Variants in CA8 observed in about 807,000 individuals in gnomAD.
The protein encoded by CA8 is carbonic anhydrase-related protein.
In CA8, 22 loss-of-function variants were observed where a neutral mutation model predicts 41.4. That is an observed-to-expected ratio of 0.53 (90% CI 0.38 to 0.76). The LOEUF is 0.76. Ranked by LOEUF, CA8 falls within the 30% of genes least tolerant of loss-of-function variation. The probability of loss-of-function intolerance (pLI) is 0.00; values close to 1 mark genes in which losing one functional copy is unlikely to be tolerated. For synonymous variants in CA8, 121 were observed against 130.6 expected, an observed-to-expected ratio of 0.93 and a Z score of 0.50; for missense variants, 270 against 352.8, an observed-to-expected ratio of 0.77 and a Z score of 1.88.
intron 2 of CA8, among the ~76,000 whole-genome samples, chr8:60,275,413 G>C (rs994806035): frequency 5.9e-5 from 9 of 151,600 alleles, no homozygotes; most frequent in African/African-American, 1.9e-4. Context: ...ATATAGAAAA[G>C]AATGAAGAAA....
intron 5 of CA8, among the ~76,000 whole-genome samples, chr8:60,226,485 G>A (rs1462603879): frequency 6.6e-6 from 1 of 152,210 alleles, no homozygotes; most frequent in African/African-American, 2.4e-5. Context: ...GTGAGTAGCT[G>A]AGGTCAGCTA....
At chr8:60,272,054 G>A (rs115577220) in intron 2 of CA8, among the ~76,000 whole-genome samples, 2,733 of 152,214 alleles carry the variant, frequency 0.018, 67 homozygotes, top group African/African-American at 0.061. Context: ...TCCATGTTAG[G>A]AGGGAGGGAC....
intron 7 of CA8, among the ~76,000 whole-genome samples, chr8:60,209,796 T>C (rs1349695908): frequency 6.6e-6 from 1 of 152,176 alleles, no homozygotes; most frequent in Non-Finnish European, 1.5e-5. Flanking sequence ...CATTTCCCTT[T>C]ATTAGGTGGG....
At chr8:60,224,666 A>C (rs923629568) in intron 5 of CA8, 81 bp from the exon 6 acceptor site, 2 of 895,594 alleles carry the variant, frequency 2.2e-6, no homozygotes, top group African/African-American at 3.4e-5. Flanking sequence ...GAACTAAAAA[A>C]TTAGAATGAA....
intron 3 of CA8, among the ~76,000 whole-genome samples, chr8:60,255,145 C>T (rs1036292060): frequency 5.9e-5 from 9 of 152,134 alleles, no homozygotes; most frequent in African/African-American, 1.9e-4. Flanking sequence ...CCTCTCTGCT[C>T]CTTCAACCAA....
Position 60,222,636 on chromosome 8 carries a change from G to A in CA8, c.738+13C>T. 1.4e-6 allele frequency: 2 copies of A among 1,455,428 alleles called. No individual in the cohort carries two copies. The highest frequency in any genetic ancestry group is 9.7e-7 in the Non-Finnish European group (1 of 1,035,114). 90.2% of individuals were successfully genotyped at this position (1,455,428 alleles called of 1,614,324 possible). A position where few individuals can be genotyped will look rare whatever the true frequency, so the allele number is the denominator to read the frequency against. On this transcript the variant is annotated intron_variant, in intron 7 of 8. Transcript: ENST00000317995. Reference sequence around the variant, plus strand: ...AGAACTTCACTCTGAAAGATTCAAAGTAGCACACTCACCTGTAGCTGGGAT... The same window carrying A: ...AGAACTTCACTCTGAAAGATTCAAAATAGCACACTCACCTGTAGCTGGGAT...
rs1451068812 is a variant in CA8, at chr8:60,186,034, T to C, written c.*3987A>G. Among the ~76,000 whole-genome samples the C allele has an allele frequency of 6.6e-6, 1 of 152,064 alleles. No individual in the cohort carries two copies. Among genetic ancestry groups the C allele is most frequent in the African/African-American group, 2.4e-5 (1 of 41,432 alleles). On this transcript the variant is annotated 3_prime_UTR_variant, in exon 9 of 9. Transcript: ENST00000317995. ...ACAAAGGAGGTAAATAAGAACAAAG[T>C]AGTACTGGAGTAAGAAATCACACCA... is the stretch of plus-strand genomic sequence containing the variant.
chr8:60,235,940 G>T (rs190855274), intron 3 of CA8, among the ~76,000 whole-genome samples: 1 of 152,262 alleles, frequency 6.6e-6, no homozygotes, highest in East Asian at 1.9e-4. Context: ...ATTGGAAGTA[G>T]CAGACACTGA....
intron 3 of CA8, among the ~76,000 whole-genome samples, chr8:60,253,066 C>T (rs1342158785): frequency 4.0e-5 from 6 of 151,632 alleles, no homozygotes; most frequent in Non-Finnish European, 5.9e-5. Flanking sequence ...CCCGTCTCTA[C>T]ACCAAAATAA....
chr8:60,218,241 T>C (rs571339126), intron 7 of CA8, among the ~76,000 whole-genome samples: 4 of 152,130 alleles, frequency 2.6e-5, no homozygotes, highest in Non-Finnish European at 5.9e-5. Flanking sequence ...CAGGTACCTT[T>C]CCTATGTGCT....
intron 7 of CA8, among the ~76,000 whole-genome samples, chr8:60,209,704 T>C (rs557010701): frequency 6.6e-6 from 1 of 151,702 alleles, no homozygotes; most frequent in South Asian, 2.1e-4. Context: ...TTTCTAGCCC[T>C]CTGGAGAGCA....
At chr8:60,236,003 T>C (rs1342977451) in intron 3 of CA8, among the ~76,000 whole-genome samples, 1 of 152,164 alleles carries the variant, frequency 6.6e-6, no homozygotes, top group African/African-American at 2.4e-5. Context: ...GAAAAAACTA[T>C]GACAGGAGTG....
chr8:60,210,693 T>A (rs774805704), intron 7 of CA8, among the ~76,000 whole-genome samples: 4 of 152,186 alleles, frequency 2.6e-5, no homozygotes, highest in Non-Finnish European at 5.9e-5. Context: ...CTGGTTGATT[T>A]CCCTTAATGA....
rs116087390 is a variant in CA8 at position 60,200,302 on chromosome 8, G to A, written c.*35+8448C>T. On this transcript the variant is annotated intron_variant, in intron 8 of 8. Coordinates refer to ENST00000317995, the MANE Select transcript of CA8 (RefSeq NM_004056.6). ...TAGTTTATGGTATTTTGTTATAGAG[G>A]ATCAAATGGAAGACATGTAACCCTT... 1.0e-3 allele frequency among the ~76,000 whole-genome samples: 152 copies of A among 152,280 alleles called. 1 individual carries two copies. Among genetic ancestry groups the A allele is most frequent in the African/African-American group, 3.5e-3 (144 of 41,540 alleles).
intron 3 of CA8, among the ~76,000 whole-genome samples, chr8:60,249,033 G>C (rs905607008): frequency 1.3e-5 from 2 of 152,074 alleles, no homozygotes. Context: ...TTGTGAATGG[G>C]AGTTTATTCA....
In CA8 at chr8:60,205,112, G is replaced by A. The variant is rs574624750; in HGVS notation, c.*35+3638C>T. ...AAAATAAGGGCAAGTTTGACAATGGGACTATTTGGAGATGCTTGCTGAATA... is the reference window on the plus strand; with the variant it reads ...AAAATAAGGGCAAGTTTGACAATGGAACTATTTGGAGATGCTTGCTGAATA... On this transcript the variant is annotated intron_variant, in intron 8 of 8. Coordinates refer to ENST00000317995, the MANE Select transcript of CA8 (RefSeq NM_004056.6). Among the ~76,000 whole-genome samples, 195 of 152,202 alleles carry A rather than the reference G, an allele frequency of 1.3e-3. 1 individual carries two copies. Among genetic ancestry groups the A allele is most frequent in the Middle Eastern group, 3.4e-3 (1 of 294 alleles).
rs968824077 is a variant in CA8, at chr8:60,186,423, A to G, written c.*3598T>C. Among the ~76,000 whole-genome samples, 1 of 151,938 alleles carries G rather than the reference A, an allele frequency of 6.6e-6. No individual in the cohort carries two copies. Among genetic ancestry groups the G allele is most frequent in the East Asian group, 1.9e-4 (1 of 5,202 alleles). ...TCAAAAAAATGAAAAAAATAATTAA[A>G]GCAATTGAAATATACTAGAAAATAT... On this transcript the variant is annotated 3_prime_UTR_variant, in exon 9 of 9. Coordinates refer to ENST00000317995, the MANE Select transcript of CA8 (RefSeq NM_004056.6).
chr8:60,277,153 T>C (rs546422384), intron 2 of CA8, among the ~76,000 whole-genome samples: 1 of 142,564 alleles, frequency 7.0e-6, no homozygotes, highest in Non-Finnish European at 1.5e-5. Flanking sequence ...AAAATTGGCC[T>C]CGTCTTCAAT....
At chr8:60,223,079 C>A (rs1190771713) in intron 6 of CA8, among the ~76,000 whole-genome samples, 1 of 152,132 alleles carries the variant, frequency 6.6e-6, no homozygotes, top group Non-Finnish European at 1.5e-5. Context: ...TATTTCATAT[C>A]TAATATTTAT....
Sources: gnomAD v4.1 joint callset for allele counts (sites outside exome capture counted in the v4.1 genomes callset) on GRCh38, gnomAD v4.1.1 for gene constraint, MANE v1.5 for transcripts, NCBI Gene and HGNC (gene_info 2026-07-23, HGNC 2026-07-21) for gene names.